The following ESR1 variants were observed in gnomAD, a reference collection of about 807,000 sequenced individuals.
ESR1 encodes the protein estrogen receptor 1.
A neutral mutation model predicts 52.7 loss-of-function variants in ESR1; 12 were observed. The ratio of observed to expected loss-of-function variants is 0.23; its 90% CI spans 0.15 to 0.37. The LOEUF (loss-of-function observed/expected upper bound fraction) is 0.37, where lower values mean the gene tolerates loss of function less well. ESR1 is among the 10% of genes least tolerant of loss of function. ESR1 has a pLI of 1.00. For synonymous variants in ESR1, 305 were observed against 316.8 expected, an observed-to-expected ratio of 0.96 and a Z score of 0.39; for missense variants, 584 against 779.7, an observed-to-expected ratio of 0.75 and a Z score of 2.99.
chr6:152,002,246 G>T (rs1364201713), intron 4 of ESR1, among the ~76,000 whole-genome samples: 2 of 149,114 alleles, frequency 1.3e-5, no homozygotes, highest in African/African-American at 5.0e-5. Flanking sequence ...AAACGACAGT[G>T]TTGTCATCAA....
chr6:151,955,467 AG>A (rs1206236237), intron 4 of ESR1, among the ~76,000 whole-genome samples: 4 of 152,346 alleles, frequency 2.6e-5, no homozygotes, highest in Non-Finnish European at 2.9e-5. Context: ...GACATTTCAT[AG>A]CAAAAATAGG....
At chr6:151,846,509 C>A (rs995989336) in intron 2 of ESR1, among the ~76,000 whole-genome samples, 1 of 152,172 alleles carries the variant, frequency 6.6e-6, no homozygotes, top group African/African-American at 2.4e-5. Flanking sequence ...GGGTCTGACA[C>A]GTAGGTGGGA....
chr6:151,958,976 G>A (rs2037330571), intron 4 of ESR1, among the ~76,000 whole-genome samples: 4 of 150,762 alleles, frequency 2.7e-5, no homozygotes, highest in South Asian at 4.2e-4. Context: ...AAGTTTCCGT[G>A]TGTGTGTGTG....
intron 1 of ESR1, among the ~76,000 whole-genome samples, chr6:151,841,667 T>C (rs535306553): frequency 6.6e-6 from 1 of 152,314 alleles, no homozygotes; most frequent in South Asian, 2.1e-4. Flanking sequence ...TAGAATTTTC[T>C]TACTGTTCAT....
intron 5 of ESR1, among the ~76,000 whole-genome samples, chr6:152,018,561 G>T (rs2043348542): frequency 6.6e-6 from 1 of 152,092 alleles, no homozygotes; most frequent in Non-Finnish European, 1.5e-5. Flanking sequence ...ACTCAAAGGA[G>T]GACCGCACAC....
upstream of ESR1, among the ~76,000 whole-genome samples, chr6:151,686,885 T>C (rs570359968): frequency 6.6e-6 from 1 of 152,314 alleles, no homozygotes; most frequent in African/African-American, 2.4e-5. Flanking sequence ...TCAGTGACTA[T>C]AGCCAACCAT....
intron 3 of ESR1, among the ~76,000 whole-genome samples, chr6:151,900,902 A>G (rs146712256): frequency 1.3e-5 from 2 of 152,298 alleles, no homozygotes; most frequent in East Asian, 1.9e-4. Flanking sequence ...TTAATGCACT[A>G]TTTTTGTGCT....
intron 2 of ESR1, among the ~76,000 whole-genome samples, chr6:151,851,156 C>G (rs77947513): frequency 0.026 from 3,892 of 152,226 alleles, 168 homozygotes; most frequent in African/African-American, 0.087. Flanking sequence ...AATAGGCACT[C>G]CAGACACAGT....
intron 2 of ESR1, among the ~76,000 whole-genome samples, chr6:151,776,728 C>CT (rs1207919265): frequency 6.6e-6 from 1 of 151,664 alleles, no homozygotes; most frequent in African/African-American, 2.4e-5. Flanking sequence ...ATCCCAACTA[C>CT]TTTAGAGGAT....
At chr6:151,722,902 A>C (rs1424112325) in intron 2 of ESR1, among the ~76,000 whole-genome samples, 1 of 152,186 alleles carries the variant, frequency 6.6e-6, no homozygotes. Flanking sequence ...TTCATTATTC[A>C]TTTGAAAGAT....
chr6:151,931,280 C>T (rs1271159118), intron 3 of ESR1, among the ~76,000 whole-genome samples: 1 of 151,964 alleles, frequency 6.6e-6, no homozygotes, highest in Non-Finnish European at 1.5e-5. Flanking sequence ...CTGATTATTT[C>T]CTTGGCCGTG....
At chr6:151,862,417 T>C (rs1789048820) in intron 2 of ESR1, among the ~76,000 whole-genome samples, 1 of 152,136 alleles carries the variant, frequency 6.6e-6, no homozygotes, top group African/African-American at 2.4e-5. Context: ...TTAGTCCTGG[T>C]TGCCAAGGGT....
intron 1 of ESR1, 46 bp downstream of exon 1, chr6:151,808,410 A>AGGAGGGAGGGAG (rs58440257): frequency 3.3e-6 from 1 of 304,806 alleles, no homozygotes; most frequent in East Asian, 1.0e-4. Context: ...CGCGCCCGGC[A>AGGAGGGAGGGAG]GGAGGGAGGG....
chr6:152,126,676 A>G (rs962546974), exon 7 of ESR1: 1 of 152,148 alleles, frequency 6.6e-6, no homozygotes, highest in Non-Finnish European at 1.5e-5. Flanking sequence ...ATAGCTGCCC[A>G]GGAGTTGCTT....
At chr6:151,737,832 A>T (rs1782790476) in intron 2 of ESR1, among the ~76,000 whole-genome samples, 1 of 152,230 alleles carries the variant, frequency 6.6e-6, no homozygotes, top group African/African-American at 2.4e-5. Context: ...ATTAATAATC[A>T]AATAATGATA....
chr6:151,733,711 T>C (rs1583056869), intron 2 of ESR1, among the ~76,000 whole-genome samples: 2 of 152,296 alleles, frequency 1.3e-5, no homozygotes, highest in East Asian at 3.9e-4. Flanking sequence ...TACCATATGC[T>C]TAATTAAGAA....
chr6:151,702,474 T>C (rs1331834397), intron 2 of ESR1, among the ~76,000 whole-genome samples: 3 of 152,222 alleles, frequency 2.0e-5, no homozygotes, highest in African/African-American at 4.8e-5. Context: ...ATGGTGCTAA[T>C]AGGAAGCAAA....
intron 4 of ESR1, among the ~76,000 whole-genome samples, chr6:151,961,727 C>G (rs573262919): frequency 1.3e-5 from 2 of 152,190 alleles, no homozygotes; most frequent in South Asian, 4.1e-4. Context: ...ATGGGGCAGA[C>G]AGTGTGAGAG....
At chr6:152,051,797 A>G (rs1015558632) in intron 5 of ESR1, among the ~76,000 whole-genome samples, 1 of 151,962 alleles carries the variant, frequency 6.6e-6, no homozygotes, top group Non-Finnish European at 1.5e-5. Flanking sequence ...CCTTCATACC[A>G]CTAATTACAA....
Sources: gnomAD v4.1 joint callset for allele counts (sites outside exome capture counted in the v4.1 genomes callset) on GRCh38, gnomAD v4.1.1 for gene constraint, MANE v1.5 for transcripts, NCBI Gene and HGNC (gene_info 2026-07-23, HGNC 2026-07-21) for gene names.